Variants in SYNRG observed in about 807,000 individuals in gnomAD.
The protein encoded by SYNRG is synergin gamma.
A neutral mutation model predicts 130.9 loss-of-function variants in SYNRG; 37 were observed. That is an observed-to-expected ratio of 0.28 (90% CI 0.22 to 0.37). SYNRG has a LOEUF of 0.37. Ranked by LOEUF, SYNRG falls within the 10% of genes least tolerant of loss-of-function variation. The pLI, the probability that SYNRG is intolerant of heterozygous loss-of-function variation, is 1.00. For synonymous variants in SYNRG, 539 were observed against 568.1 expected, an observed-to-expected ratio of 0.95 and a Z score of 0.73; for missense variants, 1,338 against 1,588.9, an observed-to-expected ratio of 0.84 and a Z score of 2.68.
chr17:37,542,587 A>G lies in SYNRG; in HGVS notation c.2609-22T>C, dbSNP rs779084271. The G allele has an allele frequency of 2.5e-6, 4 of 1,588,518 alleles. No individual in the cohort carries two copies. The Admixed American group carries it at 6.9e-5, about 27-fold the overall frequency. ...ATATCTGAAAGGGAAATAAGACCCCACAATTAGAGGCAAGCAATTTAGGCA... is the reference window on the plus strand; with the variant it reads ...ATATCTGAAAGGGAAATAAGACCCCGCAATTAGAGGCAAGCAATTTAGGCA... On this transcript the variant is annotated intron_variant, in intron 14 of 21. Coordinates refer to ENST00000612223, the MANE Select transcript of SYNRG (RefSeq NM_007247.6).
intron 2 of SYNRG, among the ~76,000 whole-genome samples, chr17:37,598,037 T>G (rs917938558): frequency 7.9e-5 from 12 of 152,210 alleles, no homozygotes; most frequent in Admixed American, 5.9e-4. Context: ...TTATTAGAGG[T>G]AGGCCATTCA....
intron 3 of SYNRG, 128 bp downstream of exon 3, chr17:37,596,090 TTTTAG>T: frequency 1.9e-6 from 2 of 1,028,664 alleles, no homozygotes; most frequent in Non-Finnish European, 2.8e-6. Flanking sequence ...CACATCTTCA[TTTTAG>T]TTTGAAGGAA....
At position 37,609,411 on chromosome 17, in the gene SYNRG, C is replaced by A; in HGVS notation, c.-56G>T. On this transcript the variant is annotated 5_prime_UTR_variant, in exon 1 of 22. Coordinates refer to ENST00000612223, the MANE Select transcript of SYNRG (RefSeq NM_007247.6). ...CCGCCACCTTATCAGCAGCTGTCAG[C>A]TGAACACAGCCACTTCCGGGTCAAA... The A allele has an allele frequency of 1.5e-6, 2 of 1,358,808 alleles. No individual in the cohort carries two copies. Among genetic ancestry groups the A allele is most frequent in the South Asian group, 3.4e-5 (2 of 58,278 alleles). The allele number at this position is 1,358,808 out of a possible 1,614,324, so 84.2% of individuals were successfully genotyped here. A position where few individuals can be genotyped will look rare whatever the true frequency, so the allele number is the denominator to read the frequency against.
At chr17:37,550,129 C>CCTTCT (rs377702573) in intron 14 of SYNRG, among the ~76,000 whole-genome samples, 22 of 152,094 alleles carry the variant, frequency 1.4e-4, no homozygotes, top group African/African-American at 5.1e-4. Flanking sequence ...CCCACCTTCC[C>CCTTCT]CTTCTCTTCT....
At chr17:37,528,975 G>T (rs1233597231) in intron 19 of SYNRG, among the ~76,000 whole-genome samples, 3 of 152,222 alleles carry the variant, frequency 2.0e-5, no homozygotes, top group African/African-American at 7.2e-5. Context: ...TTAGAGAAAT[G>T]AATACTCTGG....
At chr17:37,580,727 G>A (rs764200056) in intron 6 of SYNRG, among the ~76,000 whole-genome samples, 6 of 152,124 alleles carry the variant, frequency 3.9e-5, no homozygotes, top group African/African-American at 1.2e-4. Flanking sequence ...TAGAGACGGG[G>A]TTTCACCATT....
Position 37,596,271 on chromosome 17 carries a change from C to A in SYNRG, c.192G>T (p.Met64Ile). 1 of 1,614,144 alleles carries A rather than the reference C, an allele frequency of 6.2e-7. No individual in the cohort carries two copies. The highest frequency in any genetic ancestry group is 8.5e-7 in the Non-Finnish European group (1 of 1,180,002). The change falls in exon 3 of 22, where the codon ATG (methionine) becomes ATT (isoleucine). Residue 64 changes from methionine (M) to isoleucine (I), a missense_variant. Met to Ile is a conservative substitution (Grantham distance 10). Transcript: ENST00000612223. ...ACATCTGAGAGCTGTAATTCATTCC[C>A]ATAATGCCTTGCATATTAGGCTGCA... ...SVMQPNMQGI[M>I]GMNYSSQMSQ...
chr17:37,591,648 T>TA (rs891670177), intron 3 of SYNRG, among the ~76,000 whole-genome samples: 1 of 152,172 alleles, frequency 6.6e-6, no homozygotes, highest in African/African-American at 2.4e-5. Flanking sequence ...GAAAGATCCA[T>TA]ACAAGCATGC....
chr17:37,571,500 T>C (rs1178847329), intron 9 of SYNRG, among the ~76,000 whole-genome samples: 1 of 152,184 alleles, frequency 6.6e-6, no homozygotes, highest in Non-Finnish European at 1.5e-5. Context: ...GAGAATCACT[T>C]GAACCCGGGA....
intron 15 of SYNRG, 110 bp downstream of exon 15, chr17:37,541,862 G>T: frequency 9.5e-7 from 1 of 1,056,982 alleles, no homozygotes; most frequent in Non-Finnish European, 1.4e-6. Flanking sequence ...TCAAAGATTA[G>T]AACAATCTAT....
intron 6 of SYNRG, among the ~76,000 whole-genome samples, chr17:37,580,181 A>G (rs952112224): frequency 4.6e-5 from 7 of 152,234 alleles, no homozygotes; most frequent in African/African-American, 1.7e-4. Flanking sequence ...AAATTCAGTA[A>G]GAAATAATGC....
At chr17:37,561,326 C>A in intron 12 of SYNRG, 69 bp from the exon 13 acceptor site, 1 of 1,553,154 alleles carries the variant, frequency 6.4e-7, no homozygotes, top group Non-Finnish European at 8.9e-7. Context: ...GGAAGTGAGG[C>A]AGATTGGTTT....
intron 4 of SYNRG, among the ~76,000 whole-genome samples, chr17:37,585,728 A>G (rs986182226): frequency 6.6e-6 from 1 of 152,230 alleles, no homozygotes; most frequent in Non-Finnish European, 1.5e-5. Flanking sequence ...AAACAGGCAG[A>G]CAAACATAAG....
intron 11 of SYNRG, chr17:37,567,358 G>A (rs751379990): frequency 3.9e-5 from 6 of 152,198 alleles, no homozygotes; most frequent in East Asian, 1.9e-4. Context: ...AGGGAATAAC[G>A]ATTTAACACA....
chr17:37,601,525 A>G (rs2063282947), intron 1 of SYNRG, among the ~76,000 whole-genome samples: 1 of 152,154 alleles, frequency 6.6e-6, no homozygotes, highest in Admixed American at 6.6e-5. Flanking sequence ...CATTCACAAT[A>G]TTGTCAACCA....
In SYNRG at chr17:37,561,172, C is replaced by G. The variant is rs1484849458; in HGVS notation, c.1663+23G>C. On this transcript the variant is annotated intron_variant, in intron 13 of 21. Transcript: ENST00000612223. ...TTATTAAAAATGGAAATAATTTATC[C>G]TTTTGAGGACTCAAAAACTTACCTA... 14 of 1,593,174 alleles carry G rather than the reference C, an allele frequency of 8.8e-6. No individual in the cohort carries two copies. The South Asian group carries it at 1.6e-4, about 18-fold the overall frequency.
intron 19 of SYNRG, among the ~76,000 whole-genome samples, chr17:37,532,733 TTTATGTTTA>T (rs912560756): frequency 1.9e-4 from 29 of 151,592 alleles, no homozygotes; most frequent in African/African-American, 6.8e-4. Context: ...TTAATTTGAA[TTTATGTTTA>T]CTGATTAATT....
At chr17:37,591,170 C>A (rs1421067783) in intron 3 of SYNRG, among the ~76,000 whole-genome samples, 1 of 152,072 alleles carries the variant, frequency 6.6e-6, no homozygotes, top group African/African-American at 2.4e-5. Context: ...AATTGTATTT[C>A]TATATACTAG....
intron 6 of SYNRG, among the ~76,000 whole-genome samples, chr17:37,577,939 A>T (rs968756962): frequency 6.6e-6 from 1 of 151,038 alleles, no homozygotes; most frequent in Non-Finnish European, 1.5e-5. Context: ...ACCTGAGGTG[A>T]TCTACCCACC....
Sources: allele counts gnomAD v4.1 joint callset (sites outside exome capture counted in the v4.1 genomes callset), GRCh38; gene constraint gnomAD v4.1.1; transcripts MANE v1.5; gene names NCBI Gene and HGNC (gene_info 2026-07-23, HGNC 2026-07-21).